Variants in LZTFL1 observed in about 807,000 individuals in gnomAD.
LZTFL1 encodes leucine zipper transcription factor like 1, also known as leucine zipper transcription factor-like protein 1.
Under a neutral mutation model 45.9 loss-of-function variants are expected in LZTFL1, and 25 were observed. That is an observed-to-expected ratio of 0.54 (90% CI 0.40 to 0.76). The LOEUF is 0.76. Among genes scored for constraint, LZTFL1 ranks in the 30% least tolerant of loss-of-function variants. The pLI is 0.00. For synonymous variants in LZTFL1, 93 were observed against 117.4 expected, an observed-to-expected ratio of 0.79 and a Z score of 1.35; for missense variants, 277 against 331.1, an observed-to-expected ratio of 0.84 and a Z score of 1.27.
At chr3:45,837,496 A>G (rs6796097) in intron 2 of LZTFL1, among the ~76,000 whole-genome samples, 4,167 of 152,322 alleles carry the variant, frequency 0.027, 199 homozygotes, top group African/African-American at 0.093. Context: ...ACTAGTCAGC[A>G]TTATGATTTC....
intron 9 of LZTFL1, among the ~76,000 whole-genome samples, chr3:45,826,954 G>T (rs1461634938): frequency 1.3e-5 from 2 of 152,256 alleles, no homozygotes; most frequent in African/African-American, 2.4e-5. Flanking sequence ...CCATCTGCAT[G>T]AATCTCATTC....
chr3:45,883,520 T>C (rs1038969382), intron 2 of LZTFL1: 2 of 224,650 alleles, frequency 8.9e-6, no homozygotes, highest in South Asian at 1.6e-4. Context: ...TAAGAGAAGA[T>C]GGCTGTCCAC....
intron 2 of LZTFL1, among the ~76,000 whole-genome samples, chr3:45,836,049 T>C (rs1484621122): frequency 4.6e-5 from 7 of 152,186 alleles, no homozygotes; most frequent in African/African-American, 1.7e-4. Context: ...CATCATCTAC[T>C]TTTTTAACTT....
intron 2 of LZTFL1, among the ~76,000 whole-genome samples, chr3:45,911,743 G>C (rs1702798902): frequency 6.6e-6 from 1 of 152,272 alleles, no homozygotes; most frequent in South Asian, 2.1e-4. Context: ...ATGCCGTTCA[G>C]CTTTGCTGGT....
intron 2 of LZTFL1, among the ~76,000 whole-genome samples, chr3:45,879,344 T>C (rs1003821210): frequency 6.6e-6 from 1 of 152,056 alleles, no homozygotes; most frequent in Admixed American, 6.5e-5. Context: ...AGAAATGAGC[T>C]AGCAAGCCAT....
chr3:45,896,435 C>T (rs1413083759), intron 2 of LZTFL1, among the ~76,000 whole-genome samples: 1 of 152,222 alleles, frequency 6.6e-6, no homozygotes, highest in Non-Finnish European at 1.5e-5. Context: ...AGCCGTGGCA[C>T]CCTGTGGCCA....
chr3:45,915,513 G>T lies in LZTFL1; in HGVS notation c.-365C>A, dbSNP rs1015818955. ...GGCCTTGGGAGCAGAAAGCGGGGGAGACCTCCTGAAATCATTTTTTCTGTG... is the reference window on the plus strand; with the variant it reads ...GGCCTTGGGAGCAGAAAGCGGGGGATACCTCCTGAAATCATTTTTTCTGTG... On this transcript the variant is annotated 5_prime_UTR_variant, in exon 1 of 5. Transcript: ENST00000472635. The T allele has an allele frequency of 3.9e-5, 18 of 456,278 alleles. No individual in the cohort carries two copies. In the Admixed American group the frequency reaches 4.0e-4, roughly 10 times the overall value. 28.3% of individuals were successfully genotyped at this position (456,278 alleles called of 1,614,324 possible).
At chr3:45,840,078 C>T (rs1701067563) in intron 1 of LZTFL1, among the ~76,000 whole-genome samples, 1 of 152,186 alleles carries the variant, frequency 6.6e-6, no homozygotes, top group African/African-American at 2.4e-5. Flanking sequence ...TAATGCACAA[C>T]ACCTAGCATA....
rs556141143 is a variant in LZTFL1 at position 45,897,783 on chromosome 3, C to G, written c.-215+15337G>C. 8.6e-5 allele frequency: 50 copies of G among 583,526 alleles called. No homozygotes were observed. In the East Asian group the frequency reaches 1.5e-3, roughly 18 times the overall value. The allele number at this position is 583,526 out of a possible 1,614,324, so 36.1% of individuals were successfully genotyped here. On this transcript the variant is annotated intron_variant, in intron 2 of 4. Coordinates refer to the LZTFL1 transcript ENST00000472635. ...TCTTCTTTCTTCCTTGTCTGTCTTCCTCTTAACATGTCTTTAAAATCCATG... is the reference window on the plus strand; with the variant it reads ...TCTTCTTTCTTCCTTGTCTGTCTTCGTCTTAACATGTCTTTAAAATCCATG...
chr3:45,855,399 G>C, intron 3 of LZTFL1, among the ~76,000 whole-genome samples: 1 of 152,164 alleles, frequency 6.6e-6, no homozygotes, highest in East Asian at 1.9e-4. Flanking sequence ...ACTAGGTATT[G>C]ATGGAATGTA....
intron 3 of LZTFL1, among the ~76,000 whole-genome samples, chr3:45,858,098 CTTTACACA>C (rs1701423039): frequency 1.3e-5 from 2 of 152,162 alleles, no homozygotes; most frequent in Non-Finnish European, 2.9e-5. Flanking sequence ...GATCTCACTC[CTTTACACA>C]TTCAATTTTC....
rs534311571 is a variant in LZTFL1 at position 45,907,496 on chromosome 3, TAC to T, written c.-215+5622_-215+5623del. On this transcript the variant is annotated intron_variant, in intron 2 of 4. Coordinates refer to the LZTFL1 transcript ENST00000472635. ...GACTCTCCACTTTCTAGACCTCAAA[TAC>T]ACATTTCAAGCACATCTGAATTGTG... Among the ~76,000 whole-genome samples, 190 of 152,314 alleles carry T rather than the reference TAC, an allele frequency of 1.2e-3. 1 individual carries two copies. Among genetic ancestry groups the T allele is most frequent in the Middle Eastern group, 0.01 (3 of 294 alleles).
At position 45,901,093 on chromosome 3, in the gene LZTFL1, C is replaced by T; in HGVS notation, c.-215+12027G>A. 6.2e-7 allele frequency: 1 copy of T among 1,614,182 alleles called. No individual in the cohort carries two copies. Among genetic ancestry groups the T allele is most frequent in the Non-Finnish European group, 8.5e-7 (1 of 1,180,040 alleles). On this transcript the variant is annotated intron_variant, in intron 2 of 4. Transcript: ENST00000472635. The surrounding 1 kb of genome is among the most constrained non-coding windows in gnomAD (Gnocchi z 4.3). Reference sequence around the variant, plus strand: ...GACCTCCTCTTTCTTGTCACTCTTCCCTTCTGGGCCATTGCTGCTGCTGAC... The same window carrying T: ...GACCTCCTCTTTCTTGTCACTCTTCTCTTCTGGGCCATTGCTGCTGCTGAC...
chr3:45,900,945 C>A lies in LZTFL1; in HGVS notation c.-215+12175G>T. The A allele has an allele frequency of 1.2e-6, 2 of 1,614,206 alleles. No individual in the cohort carries two copies. The highest frequency in any genetic ancestry group is 1.7e-6 in the Non-Finnish European group (2 of 1,180,040). On this transcript the variant is annotated intron_variant, in intron 2 of 4. Coordinates refer to the LZTFL1 transcript ENST00000472635. The surrounding 1 kb of genome is among the most constrained non-coding windows in gnomAD (Gnocchi z 4.7). ...GCAGTTTGCGAGCCATTTCCTCCCA[C>A]CCTTGTACTGGCTCGTGTTCATCGT...
chr3:45,874,505 G>T (rs1183535457), intron 2 of LZTFL1, among the ~76,000 whole-genome samples: 1 of 152,106 alleles, frequency 6.6e-6, no homozygotes, highest in Non-Finnish European at 1.5e-5. Flanking sequence ...TCATACTTCA[G>T]CTCTGAGAAT....
At position 45,900,937 on chromosome 3, in the gene LZTFL1, T is replaced by TC. The variant is rs1395192827; in HGVS notation, c.-215+12182dup. On this transcript the variant is annotated intron_variant, in intron 2 of 4. Coordinates refer to the LZTFL1 transcript ENST00000472635. The surrounding 1 kb of genome is among the most constrained non-coding windows in gnomAD (Gnocchi z 4.7). ...AATGTCAGGCAGTTTGCGAGCCATT[T>TC]CCTCCCACCCTTGTACTGGCTCGTG... 2 of 1,614,090 alleles carry TC rather than the reference T, an allele frequency of 1.2e-6. No individual in the cohort carries two copies. The highest frequency in any genetic ancestry group is 8.5e-7 in the Non-Finnish European group (1 of 1,180,040).
Position 45,823,868 on chromosome 3 carries a change from TATAA to T in LZTFL1, c.*2442_*2445del, listed in dbSNP as rs1222732503. On this transcript the variant is annotated 3_prime_UTR_variant, in exon 10 of 10. Transcript: ENST00000296135. ...CAAGGGCTTAAAATTTGAGCATCTCTATAAATCTCTTTCAGTTAATCAGAATGGA... is the reference window on the plus strand; with the variant it reads ...CAAGGGCTTAAAATTTGAGCATCTCTATCTCTTTCAGTTAATCAGAATGGA... 6.6e-6 allele frequency: 1 copy of T among 152,226 alleles called. No homozygotes were observed. The highest frequency in any genetic ancestry group is 2.4e-5 in the African/African-American group (1 of 41,466). The allele number at this position is 152,226 out of a possible 1,614,324, so 9.4% of individuals were successfully genotyped here. A position where few individuals can be genotyped will look rare whatever the true frequency, so the allele number is the denominator to read the frequency against.
At chr3:45,855,714 T>A (rs1385456242) in intron 3 of LZTFL1, among the ~76,000 whole-genome samples, 1 of 152,166 alleles carries the variant, frequency 6.6e-6, no homozygotes, top group Admixed American at 6.5e-5. Flanking sequence ...AGTCTCAGGA[T>A]ACAAAATCAA....
intron 2 of LZTFL1, among the ~76,000 whole-genome samples, chr3:45,887,176 A>G (rs1702005647): frequency 6.6e-6 from 1 of 152,172 alleles, no homozygotes; most frequent in African/African-American, 2.4e-5. Context: ...TGATCCATGA[A>G]AGATGGGCAA....
Sources: allele counts gnomAD v4.1 joint callset (sites outside exome capture counted in the v4.1 genomes callset), GRCh38; gene constraint gnomAD v4.1.1; non-coding constraint Gnocchi (gnomAD v3.1); transcripts MANE v1.5; gene names NCBI Gene and HGNC (gene_info 2026-07-23, HGNC 2026-07-21).